FHAD1: variants seen among roughly 807,000 people sequenced by gnomAD.
FHAD1 encodes the protein forkhead-associated domain-containing protein 1.
FHAD1 carries 146 observed loss-of-function variants against 191.3 expected under a neutral mutation model. That is an observed-to-expected ratio of 0.76 (90% CI 0.67 to 0.88). The LOEUF is 0.88. Ranked by LOEUF, FHAD1 falls within the 40% of genes least tolerant of loss-of-function variation. FHAD1 has a pLI of 0.00. For missense variants in FHAD1, 1,635 were observed against 1,785.8 expected, an observed-to-expected ratio of 0.92 and a Z score of 1.52; for synonymous variants, 616 against 672.3, an observed-to-expected ratio of 0.92 and a Z score of 1.29.
At chr1:15,260,455 G>A (rs1650501480) in intron 2 of FHAD1, among the ~76,000 whole-genome samples, 1 of 152,212 alleles carries the variant, frequency 6.6e-6, no homozygotes, top group South Asian at 2.1e-4. Context: ...GGACTCAGCT[G>A]GTTCCTCTGC....
chr1:15,242,164 A>T (rs559907737), intron 1 of FHAD1, among the ~76,000 whole-genome samples: 33 of 147,084 alleles, frequency 2.2e-4, no homozygotes, highest in Admixed American at 4.2e-4. Context: ...ACCCGGGAGG[A>T]GGAGGTTGCA....
At chr1:15,357,972 T>A in intron 20 of FHAD1, 138 bp from the exon 21 acceptor site, 1 of 624,852 alleles carries the variant, frequency 1.6e-6, no homozygotes, top group East Asian at 3.1e-5. Context: ...AGAGAAGGCA[T>A]GGACTTTGTG....
intron 16 of FHAD1, among the ~76,000 whole-genome samples, chr1:15,344,742 TG>T (rs1417446441): frequency 6.6e-6 from 1 of 152,174 alleles, no homozygotes; most frequent in Non-Finnish European, 1.5e-5. Flanking sequence ...GTGGGAAGCA[TG>T]GTTATCACTG....
At chr1:15,241,816 T>C (rs1252233501) in intron 1 of FHAD1, among the ~76,000 whole-genome samples, 2 of 152,148 alleles carry the variant, frequency 1.3e-5, no homozygotes, top group Admixed American at 6.5e-5. Flanking sequence ...TGGATTCTGG[T>C]TAGGTGGGTG....
At chr1:15,349,229 C>T in intron 19 of FHAD1, 80 bp downstream of exon 19, 1 of 1,103,498 alleles carries the variant, frequency 9.1e-7, no homozygotes, top group Non-Finnish European at 1.3e-6. Context: ...GGAAATCGGG[C>T]AGATATCAGA....
Position 15,381,531 on chromosome 1 carries a change from C to T in FHAD1, c.4022+80C>T. 8.8e-7 allele frequency: 1 copy of T among 1,130,158 alleles called. No homozygotes were observed. Among genetic ancestry groups the T allele is most frequent in the South Asian group, 1.4e-5 (1 of 71,354 alleles). The allele number at this position is 1,130,158 out of a possible 1,614,324, so 70.0% of individuals were successfully genotyped here. On this transcript the variant is annotated intron_variant, in intron 30 of 33. Transcript: ENST00000688493. This position sits in a 1 kb window ranked among gnomAD's most constrained non-coding sequence, Gnocchi z 4.6. The stretch of plus-strand genomic sequence containing the variant: ...CTAAACTCAGGCTAGCAGCAGACCT[C>T]TAGGCCTGGGACAGGAGGACAGAGA...
At chr1:15,313,418 A>G (rs1335252857) in intron 8 of FHAD1, among the ~76,000 whole-genome samples, 2 of 152,194 alleles carry the variant, frequency 1.3e-5, no homozygotes, top group African/African-American at 4.8e-5. Context: ...GCACCTTTTC[A>G]AAGATCGGCG....
chr1:15,252,313 C>T (rs1646880784), intron 2 of FHAD1, among the ~76,000 whole-genome samples: 1 of 152,176 alleles, frequency 6.6e-6, no homozygotes, highest in Admixed American at 6.5e-5. Context: ...AGAGCAGCAG[C>T]TCAGGGCAGT....
chr1:15,365,535 C>G (rs890793373), intron 23 of FHAD1, among the ~76,000 whole-genome samples: 1 of 137,262 alleles, frequency 7.3e-6, no homozygotes, highest in African/African-American at 2.9e-5. Flanking sequence ...GTAGCCCAGG[C>G]TGGTCTCGAA....
At chr1:15,252,829 T>C (rs1441580068) in intron 2 of FHAD1, among the ~76,000 whole-genome samples, 2 of 152,208 alleles carry the variant, frequency 1.3e-5, no homozygotes, top group Admixed American at 6.5e-5. Context: ...CCTCAGCTCA[T>C]TGACAACCAA....
At chr1:15,347,295 C>A (rs1304254502) in intron 18 of FHAD1, among the ~76,000 whole-genome samples, 1 of 152,158 alleles carries the variant, frequency 6.6e-6, no homozygotes, top group African/African-American at 2.4e-5. Flanking sequence ...GACTTTGAGG[C>A]CACGGGGCTC....
intron 23 of FHAD1, chr1:15,364,022 GA>G: frequency 3.1e-6 from 1 of 323,032 alleles, no homozygotes; most frequent in South Asian, 2.6e-5. Flanking sequence ...TTAAAATCTA[GA>G]AACGGTGGTG....
At chr1:15,257,547 C>T (rs1486169230) in intron 2 of FHAD1, among the ~76,000 whole-genome samples, 5 of 152,162 alleles carry the variant, frequency 3.3e-5, no homozygotes, top group Non-Finnish European at 7.3e-5. Flanking sequence ...CAGCTGTGCT[C>T]GCACACTCAG....
Position 15,296,867 on chromosome 1 carries a change from C to T in FHAD1, c.678+74C>T, listed in dbSNP as rs1045125127. 16 of 1,227,340 alleles carry T rather than the reference C, an allele frequency of 1.3e-5. No individual in the cohort carries two copies. The East Asian group carries it at 4.1e-4, about 31-fold the overall frequency. 76.0% of individuals were successfully genotyped at this position (1,227,340 alleles called of 1,614,324 possible). ...GCAAAGGGACTTGCCGATGCCTGTT[C>T]TGTGTGGCCCAGGAGTGCCCTTATC... On this transcript the variant is annotated intron_variant, in intron 5 of 33. Transcript: ENST00000688493.
At chr1:15,280,185 C>G (rs1037344380) in intron 3 of FHAD1, among the ~76,000 whole-genome samples, 5 of 152,092 alleles carry the variant, frequency 3.3e-5, no homozygotes, top group Non-Finnish European at 5.9e-5. Context: ...TTGCCTGTAA[C>G]CAGGCCGAGT....
chr1:15,366,407 A>T (rs1273293790), intron 24 of FHAD1, among the ~76,000 whole-genome samples: 1 of 151,808 alleles, frequency 6.6e-6, no homozygotes, highest in Non-Finnish European at 1.5e-5. Context: ...TATGTCCCTG[A>T]TTCCTACCCG....
chr1:15,265,607 C>T lies in FHAD1; in HGVS notation c.94-6716C>T, dbSNP rs77434462. On this transcript the variant is annotated intron_variant, in intron 2 of 33. Transcript: ENST00000688493. Reference sequence around the variant, plus strand: ...TCACGGCTTGACAGCTTCTGAGGAGCTGAAAGTAATGGGATTTGAGAAGAG... The same window carrying T: ...TCACGGCTTGACAGCTTCTGAGGAGTTGAAAGTAATGGGATTTGAGAAGAG... Among the ~76,000 whole-genome samples the T allele has an allele frequency of 2.9e-3, 446 of 152,166 alleles. 7 individuals are homozygous for T. In the East Asian group the frequency reaches 0.033, roughly 11 times the overall value.
In FHAD1 at chr1:15,316,415, C is replaced by G; in HGVS notation, c.1208C>G (p.Ala403Gly). ...VLKEELKQED[A>G]HRELREAQEK... ...AAGGAAGAGTTAAAACAGGAAGATGCTCACAGGGAGCTCAGGGAAGCCCAG... is the reference window on the plus strand; with the variant it reads ...AAGGAAGAGTTAAAACAGGAAGATGGTCACAGGGAGCTCAGGGAAGCCCAG... The change falls in exon 9 of 34, where the codon GCT becomes GGT. Residue 403 changes from alanine to glycine, a missense_variant. Physicochemically the swap from Ala to Gly is moderately conservative, Grantham distance 60. Transcript: ENST00000688493. The surrounding 1 kb of genome is among the most constrained non-coding windows in gnomAD (Gnocchi z 4.3). The G allele has an allele frequency of 6.4e-7, 1 of 1,551,722 alleles. No individual in the cohort carries two copies. Among genetic ancestry groups the G allele is most frequent in the South Asian group, 1.2e-5 (1 of 84,064 alleles).
intron 15 of FHAD1, among the ~76,000 whole-genome samples, chr1:15,340,818 A>G (rs1277159129): frequency 6.6e-6 from 1 of 152,166 alleles, no homozygotes; most frequent in Non-Finnish European, 1.5e-5. Flanking sequence ...CCACTCTGCT[A>G]TGGTAAAATG....
Sources: gnomAD v4.1 joint callset for allele counts (sites outside exome capture counted in the v4.1 genomes callset) on GRCh38, gnomAD v4.1.1 for gene constraint, Gnocchi (gnomAD v3.1) non-coding constraint, MANE v1.5 for transcripts, NCBI Gene and HGNC (gene_info 2026-07-23, HGNC 2026-07-21) for gene names.